Variants in PHACTR1 observed in about 807,000 individuals in gnomAD.
PHACTR1 encodes RPEL repeat containing 1.
Under a neutral mutation model 69.2 loss-of-function variants are expected in PHACTR1, and 16 were observed. The observed-to-expected ratio is 0.23, with a 90% CI of 0.16 to 0.35. The LOEUF is 0.35. Among genes scored for constraint, PHACTR1 ranks in the 10% least tolerant of loss-of-function variants. PHACTR1 has a pLI of 1.00. For missense variants in PHACTR1, 510 were observed against 734.7 expected, an observed-to-expected ratio of 0.69 and a Z score of 3.54; for synonymous variants, 312 against 284.5, an observed-to-expected ratio of 1.10 and a Z score of -0.97.
intron 5 of PHACTR1, among the ~76,000 whole-genome samples, chr6:13,111,668 C>T (rs1817057537): frequency 6.6e-6 from 1 of 152,164 alleles, no homozygotes; most frequent in African/African-American, 2.4e-5. Context: ...TTCCCCCATC[C>T]TCTCAATATA....
chr6:12,909,002 G>A (rs1786062055), intron 4 of PHACTR1, among the ~76,000 whole-genome samples: 2 of 152,110 alleles, frequency 1.3e-5, no homozygotes, highest in South Asian at 4.1e-4. Context: ...GACGGTGGGG[G>A]GAAACAGAAA....
chr6:13,169,508 T>C (rs1760288833), intron 6 of PHACTR1, among the ~76,000 whole-genome samples: 1 of 151,980 alleles, frequency 6.6e-6, no homozygotes, highest in African/African-American at 2.4e-5. Flanking sequence ...ATTTAATGTT[T>C]GGGGAGTAAA....
intron 5 of PHACTR1, among the ~76,000 whole-genome samples, chr6:13,055,607 T>C (rs149964115): frequency 8.5e-4 from 130 of 152,346 alleles, no homozygotes; most frequent in African/African-American, 3.0e-3. Context: ...ATTTCGGTAA[T>C]TGTCATTTGT....
At chr6:13,233,568 G>C (rs1771553163) in intron 10 of PHACTR1, among the ~76,000 whole-genome samples, 1 of 152,210 alleles carries the variant, frequency 6.6e-6, no homozygotes, top group Non-Finnish European at 1.5e-5. Flanking sequence ...GAGAGAATGA[G>C]TGCAAGCAGA....
At chr6:12,735,313 A>T (rs1193193619) in intron 3 of PHACTR1, among the ~76,000 whole-genome samples, 3 of 152,218 alleles carry the variant, frequency 2.0e-5, no homozygotes, top group Non-Finnish European at 4.4e-5. Flanking sequence ...ACCTAACCTC[A>T]GAAGTGATAT....
At chr6:12,860,159 C>A (rs550230028) in intron 4 of PHACTR1, among the ~76,000 whole-genome samples, 2 of 152,194 alleles carry the variant, frequency 1.3e-5, no homozygotes, top group African/African-American at 4.8e-5. Flanking sequence ...CCTTATCCCC[C>A]ACTCCCTGAC....
intron 10 of PHACTR1, among the ~76,000 whole-genome samples, chr6:13,244,068 C>T (rs368250242): frequency 1.3e-5 from 2 of 152,040 alleles, no homozygotes; most frequent in African/African-American, 2.4e-5. Flanking sequence ...CCCTAAGCAT[C>T]GGCTGGCTTG....
intron 4 of PHACTR1, among the ~76,000 whole-genome samples, chr6:13,018,601 CT>C (rs1800514770): frequency 6.6e-6 from 1 of 152,166 alleles, no homozygotes; most frequent in Non-Finnish European, 1.5e-5. Context: ...TGTAATTAAA[CT>C]TCCTTGGATT....
At chr6:12,799,858 G>A (rs920396997) in intron 4 of PHACTR1, among the ~76,000 whole-genome samples, 5 of 152,306 alleles carry the variant, frequency 3.3e-5, no homozygotes, top group South Asian at 2.1e-4. Flanking sequence ...AAAAAATGTG[G>A]TGAAAGATGA....
chr6:13,169,833 C>T (rs555700494), intron 6 of PHACTR1, among the ~76,000 whole-genome samples: 1 of 152,280 alleles, frequency 6.6e-6, no homozygotes, highest in African/African-American at 2.4e-5. Flanking sequence ...GTTAAAGAGA[C>T]TGAAACAATA....
intron 4 of PHACTR1, among the ~76,000 whole-genome samples, chr6:12,843,526 T>C (rs760954995): frequency 1.3e-5 from 2 of 152,194 alleles, no homozygotes; most frequent in Non-Finnish European, 2.9e-5. Context: ...TAGAAATACC[T>C]ATCTCTTTTG....
At chr6:12,740,207 T>A (rs1764861538) in intron 3 of PHACTR1, among the ~76,000 whole-genome samples, 1 of 152,186 alleles carries the variant, frequency 6.6e-6, no homozygotes, top group Admixed American at 6.5e-5. Flanking sequence ...ATTACAATTA[T>A]GTTTATATAT....
chr6:12,959,874 G>C (rs1792461731), intron 4 of PHACTR1, among the ~76,000 whole-genome samples: 1 of 152,186 alleles, frequency 6.6e-6, no homozygotes, highest in African/African-American at 2.4e-5. Flanking sequence ...CAGGACTTGT[G>C]ATCTTACAGA....
intron 3 of PHACTR1, among the ~76,000 whole-genome samples, chr6:12,725,337 C>T (rs1338511935): frequency 1.3e-5 from 2 of 152,178 alleles, no homozygotes; most frequent in Non-Finnish European, 2.9e-5. Flanking sequence ...AAATCAGGAA[C>T]AGTAGTAACA....
intron 4 of PHACTR1, among the ~76,000 whole-genome samples, chr6:12,851,831 A>G (rs1395541840): frequency 6.6e-6 from 1 of 151,668 alleles, no homozygotes; most frequent in Non-Finnish European, 1.5e-5. Flanking sequence ...TTATTATTTT[A>G]TTTTATTTAT....
intron 5 of PHACTR1, among the ~76,000 whole-genome samples, chr6:13,098,848 A>G (rs957104075): frequency 6.6e-6 from 1 of 152,170 alleles, no homozygotes; most frequent in African/African-American, 2.4e-5. Context: ...ATCCTAGGCT[A>G]TCTCTTGCCT....
intron 4 of PHACTR1, among the ~76,000 whole-genome samples, chr6:12,859,344 G>T (rs896093042): frequency 6.6e-6 from 1 of 152,124 alleles, no homozygotes; most frequent in Non-Finnish European, 1.5e-5. Flanking sequence ...CCATATCAGC[G>T]AATGATACTT....
chr6:13,144,841 C>A (rs1823081575), intron 5 of PHACTR1, among the ~76,000 whole-genome samples: 2 of 149,136 alleles, frequency 1.3e-5, no homozygotes, highest in African/African-American at 2.5e-5. Flanking sequence ...AATTGAAGAA[C>A]CAAGTTAAAG....
At chr6:13,122,416 G>A (rs550874833) in intron 5 of PHACTR1, among the ~76,000 whole-genome samples, 5 of 152,318 alleles carry the variant, frequency 3.3e-5, no homozygotes, top group South Asian at 4.1e-4. Flanking sequence ...GAAGAGCTTC[G>A]TAACTGTCAG....
Sources: allele counts gnomAD v4.1 joint callset (sites outside exome capture counted in the v4.1 genomes callset), GRCh38; gene constraint gnomAD v4.1.1; transcripts MANE v1.5; gene names NCBI Gene and HGNC (gene_info 2026-07-23, HGNC 2026-07-21).